SLC24A2: variants seen among roughly 807,000 people sequenced by gnomAD.
SLC24A2 encodes solute carrier family 24 member 2, also known as sodium/potassium/calcium exchanger 2.
SLC24A2 carries 36 observed loss-of-function variants against 62.0 expected under a neutral mutation model. The observed-to-expected ratio is 0.58, with a 90% confidence interval of 0.44 to 0.77. The LOEUF (loss-of-function observed/expected upper bound fraction) is 0.77, where lower values mean the gene tolerates loss of function less well. Among genes scored for constraint, SLC24A2 ranks in the 30% least tolerant of loss-of-function variants. SLC24A2 has a pLI of 0.00. For synonymous variants in SLC24A2, 358 were observed against 294.0 expected (o/e 1.22, Z -2.23); for missense variants, 846 against 817.9 (o/e 1.03, Z -0.42).
In SLC24A2 at chr9:19,513,169, T is replaced by TATATATAC. The variant is rs1832787723; in HGVS notation, c.*2983_*2984insGTATATAT. On this transcript the variant is annotated 3_prime_UTR_variant, in exon 11 of 11. Coordinates refer to ENST00000341998, the MANE Select transcript of SLC24A2 (RefSeq NM_020344.4). ...TGGTATAAAGATATATATATATATA[T>TATATATAC]ATATATGTATATATATATATATGTA... 1 of 59,890 alleles carries TATATATAC rather than the reference T, an allele frequency of 1.7e-5. No individual in the cohort carries two copies. The highest frequency in any genetic ancestry group is 6.2e-4 in the East Asian group (1 of 1,604). The allele number at this position is 59,890 out of a possible 1,614,324, so 3.7% of individuals were successfully genotyped here.
intron 2 of SLC24A2, among the ~76,000 whole-genome samples, chr9:19,650,849 GTT>G (rs34105334): frequency 6.8e-6 from 1 of 146,526 alleles, no homozygotes; most frequent in Non-Finnish European, 1.5e-5. Flanking sequence ...GTGTGTGTGT[GTT>G]TGTGTGTGTA....
chr9:20,238,674 T>A, the SLC24A2 span, among the ~76,000 whole-genome samples: 40 of 152,374 alleles, frequency 2.6e-4, no homozygotes, highest in African/African-American at 9.6e-4. Context: ...CTTGTTTGCA[T>A]GCTTTGGGAC....
At chr9:19,758,769 C>G (rs1351161112) in intron 2 of SLC24A2, among the ~76,000 whole-genome samples, 1 of 152,078 alleles carries the variant, frequency 6.6e-6, no homozygotes, top group Non-Finnish European at 1.5e-5. Flanking sequence ...TTAAATAATG[C>G]TATATTCAGT....
At chr9:19,646,059 C>T (rs187511627) in intron 2 of SLC24A2, among the ~76,000 whole-genome samples, 1 of 152,196 alleles carries the variant, frequency 6.6e-6, no homozygotes, top group East Asian at 1.9e-4. Context: ...TTAAATGGGA[C>T]AATGCACATC....
chr9:20,078,475 A>G, the SLC24A2 span, among the ~76,000 whole-genome samples: 1 of 152,188 alleles, frequency 6.6e-6, no homozygotes, highest in Non-Finnish European at 1.5e-5. Flanking sequence ...AACTGTGAGC[A>G]GTACAAGAAC....
At chr9:19,991,379 C>T in the SLC24A2 span, among the ~76,000 whole-genome samples, 1 of 152,124 alleles carries the variant, frequency 6.6e-6, no homozygotes, top group Non-Finnish European at 1.5e-5. Flanking sequence ...TGTTCTTCTG[C>T]CTGCTTTTAT....
At chr9:20,288,741 CA>C in the SLC24A2 span, among the ~76,000 whole-genome samples, 796 of 79,224 alleles carry the variant, frequency 0.01, 1 homozygote, top group Non-Finnish European at 0.012. Flanking sequence ...GACTCTGTCT[CA>C]AAAAAAAAAA....
At chr9:20,102,499 G>C in the SLC24A2 span, among the ~76,000 whole-genome samples, 1 of 151,526 alleles carries the variant, frequency 6.6e-6, no homozygotes, top group South Asian at 2.1e-4. Flanking sequence ...TGAGGGGGTG[G>C]GGGGGGAAGG....
intron 4 of SLC24A2, among the ~76,000 whole-genome samples, chr9:19,598,843 T>C: frequency 6.6e-6 from 1 of 152,208 alleles, no homozygotes; most frequent in East Asian, 1.9e-4. Context: ...TGTGTTTGCA[T>C]GTGTGAGTAA....
At chr9:20,110,546 G>T in the SLC24A2 span, among the ~76,000 whole-genome samples, 16 of 151,426 alleles carry the variant, frequency 1.1e-4, no homozygotes, top group African/African-American at 3.9e-4. Flanking sequence ...AGTTTTACCA[G>T]TCTCCTCTTC....
the SLC24A2 span, among the ~76,000 whole-genome samples, chr9:19,963,672 C>A: frequency 6.6e-6 from 1 of 152,084 alleles, no homozygotes; most frequent in African/African-American, 2.4e-5. Context: ...CAGTGAGATA[C>A]CATCTCACAC....
the SLC24A2 span, among the ~76,000 whole-genome samples, chr9:20,143,237 G>A: frequency 2.0e-5 from 3 of 152,268 alleles, no homozygotes; most frequent in East Asian, 5.8e-4. Context: ...CTGGAATGAT[G>A]AGCCTTTGCC....
At chr9:19,675,437 G>C (rs536437331) in intron 2 of SLC24A2, among the ~76,000 whole-genome samples, 2 of 152,278 alleles carry the variant, frequency 1.3e-5, no homozygotes, top group African/African-American at 4.8e-5. Flanking sequence ...TGTGTCCTTT[G>C]TCTTCAGCTA....
chr9:19,808,846 A>T, the SLC24A2 span, among the ~76,000 whole-genome samples: 1 of 152,226 alleles, frequency 6.6e-6, no homozygotes, highest in African/African-American at 2.4e-5. The surrounding 1 kb of genome is among the most constrained non-coding windows in gnomAD (Gnocchi z 4.1). Context: ...ATCATGAGCC[A>T]TGTGATGTGT....
At chr9:20,207,940 C>A in the SLC24A2 span, among the ~76,000 whole-genome samples, 2 of 152,276 alleles carry the variant, frequency 1.3e-5, no homozygotes, top group Admixed American at 6.5e-5. Flanking sequence ...GAAGCACATT[C>A]CTTCAATATT....
the SLC24A2 span, among the ~76,000 whole-genome samples, chr9:19,966,925 G>T: frequency 1.3e-5 from 2 of 152,142 alleles, no homozygotes; most frequent in South Asian, 2.1e-4. Flanking sequence ...TGATATTACT[G>T]TGAGACCAAT....
At chr9:20,107,424 A>G in the SLC24A2 span, among the ~76,000 whole-genome samples, 5 of 152,134 alleles carry the variant, frequency 3.3e-5, no homozygotes, top group African/African-American at 1.2e-4. Context: ...TGGAGGCATC[A>G]TGCTACCTGA....
chr9:19,925,152 G>A, the SLC24A2 span, among the ~76,000 whole-genome samples: 3 of 152,194 alleles, frequency 2.0e-5, no homozygotes, highest in African/African-American at 7.2e-5. Context: ...CAGATGTGCT[G>A]TAGAACAAAC....
the SLC24A2 span, among the ~76,000 whole-genome samples, chr9:19,803,365 A>G: frequency 1.1e-4 from 17 of 152,316 alleles, no homozygotes; most frequent in African/African-American, 4.1e-4. Flanking sequence ...TTTGTTTTTT[A>G]GTCTTGGGAT....
Sources: gnomAD v4.1 joint callset for allele counts (sites outside exome capture counted in the v4.1 genomes callset) on GRCh38, gnomAD v4.1.1 for gene constraint, Gnocchi (gnomAD v3.1) non-coding constraint, MANE v1.5 for transcripts, NCBI Gene and HGNC (gene_info 2026-07-23, HGNC 2026-07-21) for gene names.